Variants in TNRC6B observed in about 807,000 individuals in gnomAD.
TNRC6B encodes the protein trinucleotide repeat containing adaptor 6B.
A neutral mutation model predicts 203.6 loss-of-function variants in TNRC6B; 52 were observed. That is an observed-to-expected ratio of 0.26 (90% CI 0.20 to 0.32). TNRC6B has a LOEUF of 0.32. TNRC6B is among the 10% of genes least tolerant of loss of function. The probability of loss-of-function intolerance (pLI) is 1.00; values close to 1 mark genes in which losing one functional copy is unlikely to be tolerated. For missense variants in TNRC6B, 1,923 were observed against 2,286.2 expected (o/e 0.84, Z 3.24); for synonymous variants, 838 against 845.7 (o/e 0.99, Z 0.16).
At chr22:40,154,860 A>AATATATATATATAT (rs71199273) in intron 3 of TNRC6B, among the ~76,000 whole-genome samples, 13 of 23,578 alleles carry the variant, frequency 5.5e-4, no homozygotes, top group Non-Finnish European at 7.5e-4. Flanking sequence ...AAAAAAAAAA[A>AATATATATATATAT]ATATATATAT....
chr22:40,053,029 G>T (rs1421057249), intron 1 of TNRC6B, among the ~76,000 whole-genome samples: 1 of 152,024 alleles, frequency 6.6e-6, no homozygotes, highest in East Asian at 1.9e-4. Context: ...CTTCATGGGA[G>T]CATTTCACCA....
Position 40,148,286 on chromosome 22 carries a change from T to TC in TNRC6B, c.46-7829_46-7828insC, listed in dbSNP as rs1275112705. On this transcript the variant is annotated intron_variant, in intron 3 of 23. Transcript: ENST00000301923. ...CAACCACGTTGGAAAACAGTTTCTT[T>TC]TTTTTTTTTTTTTTTTGAGACAGAG... Among the ~76,000 whole-genome samples, 162 of 149,100 alleles carry TC rather than the reference T, an allele frequency of 1.1e-3. 4 individuals carry two copies. The East Asian group carries it at 0.02, about 18-fold the overall frequency.
At chr22:40,300,629 CTTTTTT>C (rs760173063) in intron 13 of TNRC6B, 43 bp downstream of exon 13, 1 of 1,296,254 alleles carries the variant, frequency 7.7e-7, no homozygotes, top group African/African-American at 1.5e-5. Flanking sequence ...AGGTCATTTG[CTTTTTT>C]TTTTTCTTTA....
intron 1 of TNRC6B, among the ~76,000 whole-genome samples, chr22:40,210,956 A>G (rs926591800): frequency 2.0e-5 from 3 of 152,056 alleles, no homozygotes; most frequent in African/African-American, 7.2e-5. Flanking sequence ...TGACAAACAA[A>G]TGTCTCTATA....
intron 1 of TNRC6B, among the ~76,000 whole-genome samples, chr22:40,111,628 C>G (rs1362474014): frequency 6.6e-6 from 1 of 152,130 alleles, no homozygotes; most frequent in Non-Finnish European, 1.5e-5. Flanking sequence ...TGGCAGTATT[C>G]CCAAGTGAGG....
In TNRC6B at chr22:40,312,899, A is replaced by G; in HGVS notation, c.4583-3A>G. On this transcript the variant is annotated splice_region_variant and splice_polypyrimidine_tract_variant and intron_variant, in intron 18 of 22. Transcript: ENST00000454349. ...ATTTTCTTCTTGTTCTTTGTTACCC[A>G]AGGGTCTAATTCTTCCCTCAACACC... 7 of 1,612,972 alleles carry G rather than the reference A, an allele frequency of 4.3e-6. No individual in the cohort carries two copies. Among genetic ancestry groups the G allele is most frequent in the Non-Finnish European group, 5.9e-6 (7 of 1,179,326 alleles).
At position 40,265,223 on chromosome 22, in the gene TNRC6B, T is replaced by C. The variant is rs762486428; in HGVS notation, c.993T>C (p.Asn331=). 1 of 1,613,998 alleles carries C rather than the reference T, an allele frequency of 6.2e-7. No homozygotes were observed. The highest frequency in any genetic ancestry group is 1.7e-5 in the Admixed American group (1 of 60,022). Residue 331 remains asparagine, a synonymous_variant, in exon 5 of 23, where the codon AAT becomes AAC. Coordinates refer to ENST00000454349, the MANE Select transcript of TNRC6B (RefSeq NM_001162501.2). ...GGGCATTGGAAACAGATAATAGTAATTCCAGTGCACAGGTTAGCACAGTAG... is the reference window on the plus strand; with the variant it reads ...GGGCATTGGAAACAGATAATAGTAACTCCAGTGCACAGGTTAGCACAGTAG... ...RKGALETDNS[N]SSAQVSTVGQ...
At chr22:40,138,563 G>C (rs1237390676) in intron 3 of TNRC6B, among the ~76,000 whole-genome samples, 1 of 152,196 alleles carries the variant, frequency 6.6e-6, no homozygotes, top group East Asian at 1.9e-4. Flanking sequence ...ACCACGCCTG[G>C]CCTGTTACTG....
intron 3 of TNRC6B, among the ~76,000 whole-genome samples, chr22:40,147,939 A>C (rs2068709701): frequency 6.6e-6 from 1 of 152,208 alleles, no homozygotes; most frequent in Non-Finnish European, 1.5e-5. Context: ...ATGATGAAAA[A>C]GTTCTAAGAT....
chr22:40,204,983 C>A (rs1161620472), intron 1 of TNRC6B, among the ~76,000 whole-genome samples: 1 of 152,190 alleles, frequency 6.6e-6, no homozygotes, highest in African/African-American at 2.4e-5. Flanking sequence ...TACTGAACAT[C>A]ATGGTTTAGT....
At chr22:40,190,666 C>G (rs2069259305) in intron 1 of TNRC6B, among the ~76,000 whole-genome samples, 1 of 152,234 alleles carries the variant, frequency 6.6e-6, no homozygotes. Context: ...GCCAGCAGCT[C>G]TCTGGCCTGC....
At chr22:40,303,132 C>T (rs1337595366) in intron 15 of TNRC6B, among the ~76,000 whole-genome samples, 6 of 149,040 alleles carry the variant, frequency 4.0e-5, no homozygotes, top group Non-Finnish European at 7.4e-5. Context: ...CAGGTTCAAG[C>T]GATTCTCCTG....
chr22:40,061,901 T>C (rs2146272231), intron 1 of TNRC6B, among the ~76,000 whole-genome samples: 1 of 151,954 alleles, frequency 6.6e-6, no homozygotes, highest in Admixed American at 6.6e-5. Context: ...TGGTGAAACC[T>C]TGTCTCTACT....
chr22:40,301,756 T>C (rs1601505713), intron 15 of TNRC6B, among the ~76,000 whole-genome samples: 1 of 152,222 alleles, frequency 6.6e-6, no homozygotes, highest in African/African-American at 2.4e-5. Context: ...TTGGATTGTT[T>C]CCACCTTTTA....
At chr22:40,226,216 C>T (rs2069783413) in intron 1 of TNRC6B, among the ~76,000 whole-genome samples, 1 of 152,164 alleles carries the variant, frequency 6.6e-6, no homozygotes, top group Non-Finnish European at 1.5e-5. Flanking sequence ...CACGACTTTC[C>T]ATTTTTACTA....
chr22:40,050,209 G>C (rs1029829940), intron 1 of TNRC6B, among the ~76,000 whole-genome samples: 5 of 152,160 alleles, frequency 3.3e-5, no homozygotes. Context: ...AGCATGGGTA[G>C]TTGGAGCACT....
In TNRC6B at chr22:40,332,538, G is replaced by A. The variant is rs2043993398; in HGVS notation, c.*9297G>A. On this transcript the variant is annotated 3_prime_UTR_variant, in exon 23 of 23. Coordinates refer to ENST00000454349, the MANE Select transcript of TNRC6B (RefSeq NM_001162501.2). ...GCCTATATTCAGTGTTTTCCATGCAGCAATTCTTCTTGTTGACGTTCACAG... is the reference window on the plus strand; with the variant it reads ...GCCTATATTCAGTGTTTTCCATGCAACAATTCTTCTTGTTGACGTTCACAG... The A allele has an allele frequency of 6.7e-6, 1 of 148,286 alleles. No individual in the cohort carries two copies. The highest frequency in any genetic ancestry group is 2.4e-5 in the African/African-American group (1 of 40,876). The allele number at this position is 148,286 out of a possible 1,614,324, so 9.2% of individuals were successfully genotyped here. A position where few individuals can be genotyped will look rare whatever the true frequency, so the allele number is the denominator to read the frequency against.
intron 1 of TNRC6B, among the ~76,000 whole-genome samples, chr22:40,179,203 G>T (rs1367387352): frequency 6.6e-6 from 1 of 152,162 alleles, no homozygotes; most frequent in Non-Finnish European, 1.5e-5. Flanking sequence ...AAGCCTGAGA[G>T]CAGGGAGGAA....
Position 40,265,720 on chromosome 22 carries a change from G to C in TNRC6B, c.1490G>C (p.Gly497Ala). Residue 497 changes from glycine to alanine, a missense_variant, in exon 5 of 23, where the codon GGT (glycine) becomes GCT (alanine). Physicochemically the swap from Gly to Ala is moderately conservative, Grantham distance 60 (BLOSUM62 0). Coordinates refer to ENST00000454349, the MANE Select transcript of TNRC6B (RefSeq NM_001162501.2). ...GPQDSNDNKWGEGNKMTSGVS... is the reference protein window; with the variant it reads ...GPQDSNDNKWAEGNKMTSGVS... ...CAGGACTCTAATGACAACAAATGGGGTGAAGGGAACAAAATGACATCTGGG... is the reference window on the plus strand; with the variant it reads ...CAGGACTCTAATGACAACAAATGGGCTGAAGGGAACAAAATGACATCTGGG... 6.2e-7 allele frequency: 1 copy of C among 1,614,022 alleles called. No individual in the cohort carries two copies. Among genetic ancestry groups the C allele is most frequent in the Non-Finnish European group, 8.5e-7 (1 of 1,179,884 alleles).
Sources: gnomAD v4.1 joint callset for allele counts (sites outside exome capture counted in the v4.1 genomes callset) on GRCh38, gnomAD v4.1.1 for gene constraint, MANE v1.5 for transcripts, NCBI Gene and HGNC (gene_info 2026-07-23, HGNC 2026-07-21) for gene names.